The following CUL3 variants were observed in gnomAD, a reference collection of about 807,000 sequenced individuals.
The protein encoded by CUL3 is cullin 3.
A neutral mutation model predicts 89.1 loss-of-function variants in CUL3; 19 were observed. The ratio of observed to expected loss-of-function variants is 0.21; its 90% confidence interval spans 0.15 to 0.31. CUL3 has a LOEUF of 0.31. Ranked by LOEUF, CUL3 falls within the 10% of genes least tolerant of loss-of-function variation. The pLI is 1.00. For missense variants in CUL3, 469 were observed against 942.3 expected, an observed-to-expected ratio of 0.50 and a Z score of 6.58; for synonymous variants, 351 against 308.4, an observed-to-expected ratio of 1.14 and a Z score of -1.45.
intron 2 of CUL3, among the ~76,000 whole-genome samples, chr2:224,538,761 A>G (rs1693983333): frequency 6.6e-6 from 1 of 152,252 alleles, no homozygotes; most frequent in African/African-American, 2.4e-5. Context: ...AAGTGCAAGT[A>G]ATGGAGAACT....
At chr2:224,565,397 G>A (rs1690610) in intron 1 of CUL3, among the ~76,000 whole-genome samples, 1 of 152,308 alleles carries the variant, frequency 6.6e-6, no homozygotes, top group Admixed American at 6.5e-5. Flanking sequence ...ACAGGCACAA[G>A]AGATGGAGGA....
chr2:224,515,048 T>G (rs934950456), intron 3 of CUL3, among the ~76,000 whole-genome samples: 1 of 150,660 alleles, frequency 6.6e-6, no homozygotes, highest in Non-Finnish European at 1.5e-5. Flanking sequence ...AAAAACAGAG[T>G]AAAAAAAGGT....
chr2:224,537,871 A>G (rs1219315805), intron 2 of CUL3, among the ~76,000 whole-genome samples: 1 of 152,212 alleles, frequency 6.6e-6, no homozygotes, highest in African/African-American at 2.4e-5. Context: ...TGAATAAAAA[A>G]TTGACCAATT....
At chr2:224,569,595 A>G (rs1559236941) in intron 1 of CUL3, 1 of 612,376 alleles carries the variant, frequency 1.6e-6, no homozygotes. Flanking sequence ...TCTTTAAAGC[A>G]AAATCTTTTC....
Position 224,501,905 on chromosome 2 carries a change from C to A in CUL3, c.1485+1060G>T, listed in dbSNP as rs1034004514. On this transcript the variant is annotated intron_variant, in intron 10 of 15. Transcript: ENST00000264414. ...ACTTACTAGAGCAAACAAAAAAATA[C>A]AAGAAAATATATCAATATATTAGAT... is the stretch of plus-strand genomic sequence containing the variant. Among the ~76,000 whole-genome samples the A allele has an allele frequency of 2.0e-5, 3 of 152,062 alleles. No homozygotes were observed. In the East Asian group the frequency reaches 5.8e-4, roughly 29 times the overall value.
At chr2:224,583,238 G>A (rs575814834) in intron 1 of CUL3, among the ~76,000 whole-genome samples, 1 of 152,290 alleles carries the variant, frequency 6.6e-6, no homozygotes, top group South Asian at 2.1e-4. Flanking sequence ...TTAGCCCGGT[G>A]TGGTGGCGCA....
chr2:224,516,775 T>C (rs1025176631), intron 3 of CUL3, among the ~76,000 whole-genome samples: 8 of 151,874 alleles, frequency 5.3e-5, no homozygotes, highest in African/African-American at 1.9e-4. Context: ...GCCGCCCAAG[T>C]AGCTGGGATT....
intron 2 of CUL3, among the ~76,000 whole-genome samples, chr2:224,543,901 C>G (rs563656641): frequency 6.6e-6 from 1 of 152,162 alleles, no homozygotes; most frequent in East Asian, 1.9e-4. Flanking sequence ...GGGAGGATCA[C>G]TTAAGCCCAG....
At chr2:224,532,563 T>C (rs897286496) in intron 3 of CUL3, among the ~76,000 whole-genome samples, 1 of 151,796 alleles carries the variant, frequency 6.6e-6, no homozygotes, top group East Asian at 1.9e-4. Flanking sequence ...AACATAATAG[T>C]TGAGGTAGAA....
chr2:224,488,636 A>T (rs1691833600), intron 13 of CUL3, among the ~76,000 whole-genome samples: 1 of 152,146 alleles, frequency 6.6e-6, no homozygotes, highest in South Asian at 2.1e-4. Flanking sequence ...TACCAACCCA[A>T]AAAAGCCCAG....
In CUL3 at chr2:224,484,463, G is replaced by GATTT. The variant is rs546792090; in HGVS notation, c.1843-2389_1843-2386dup. ...ATACTCAATTGTTTGCCTTCATACT[G>GATTT]ATTTACTGATGCTCTTTATAGATTA... On this transcript the variant is annotated intron_variant, in intron 13 of 15. Coordinates refer to ENST00000264414, the MANE Select transcript of CUL3 (RefSeq NM_003590.5). 2.8e-3 allele frequency among the ~76,000 whole-genome samples: 425 copies of GATTT among 151,956 alleles called. 5 individuals are homozygous for GATTT. Among genetic ancestry groups the GATTT allele is most frequent in the Non-Finnish European group, 1.2e-3 (79 of 67,976 alleles).
intron 2 of CUL3, among the ~76,000 whole-genome samples, chr2:224,556,633 CA>C (rs1329406904): frequency 5.3e-5 from 8 of 152,042 alleles, no homozygotes; most frequent in African/African-American, 1.9e-4. Flanking sequence ...CTAAACAGGA[CA>C]ATTGGTGAAA....
intron 3 of CUL3, among the ~76,000 whole-genome samples, chr2:224,518,170 T>C (rs1490465266): frequency 6.6e-6 from 1 of 152,220 alleles, no homozygotes; most frequent in Non-Finnish European, 1.5e-5. Context: ...TGTTCACTTC[T>C]GCTTTCAGTC....
chr2:224,471,999 G>C lies in CUL3; in HGVS notation c.*2246C>G. On this transcript the variant is annotated 3_prime_UTR_variant, in exon 16 of 16. Coordinates refer to ENST00000264414, the MANE Select transcript of CUL3 (RefSeq NM_003590.5). ...TCTGTGACCTCTTGCTAAAAAGAAA[G>C]CAATGTTAAATGTATTTTGTTATAA... is the stretch of plus-strand genomic sequence containing the variant. The C allele has an allele frequency of 8.7e-6, 2 of 230,916 alleles. No individual in the cohort carries two copies. The highest frequency in any genetic ancestry group is 1.7e-5 in the Non-Finnish European group (2 of 116,624). 14.3% of individuals were successfully genotyped at this position (230,916 alleles called of 1,614,324 possible). A position where few individuals can be genotyped will look rare whatever the true frequency, so the allele number is the denominator to read the frequency against.
At chr2:224,546,581 A>G (rs1169062404) in intron 2 of CUL3, among the ~76,000 whole-genome samples, 3 of 152,108 alleles carry the variant, frequency 2.0e-5, no homozygotes, top group South Asian at 2.1e-4. Context: ...TGCAAAGAGG[A>G]GACACAAAGA....
At chr2:224,580,042 G>C (rs1251541107) in intron 1 of CUL3, among the ~76,000 whole-genome samples, 1 of 152,220 alleles carries the variant, frequency 6.6e-6, no homozygotes, top group Non-Finnish European at 1.5e-5. Context: ...GAGTAAGGAA[G>C]AGACTCCCTG....
chr2:224,473,917 A>C lies in CUL3; in HGVS notation c.*328T>G. 8.5e-6 allele frequency: 2 copies of C among 234,168 alleles called. No homozygotes were observed. The highest frequency in any genetic ancestry group is 8.4e-6 in the Non-Finnish European group (1 of 118,760). The allele number at this position is 234,168 out of a possible 1,614,324, so 14.5% of individuals were successfully genotyped here. Reference sequence around the variant, plus strand: ...CTGAAGACCTGGGGAAATGAAATCCAACAATTTTATTGTAATGAGCTGTAT... The same window carrying C: ...CTGAAGACCTGGGGAAATGAAATCCCACAATTTTATTGTAATGAGCTGTAT... On this transcript the variant is annotated 3_prime_UTR_variant, in exon 16 of 16. Transcript: ENST00000264414.
chr2:224,583,672 G>C (rs1388485305), intron 1 of CUL3, among the ~76,000 whole-genome samples: 1 of 152,192 alleles, frequency 6.6e-6, no homozygotes, highest in Non-Finnish European at 1.5e-5. Context: ...ACTGACTTTA[G>C]TATTTATGTT....
intron 1 of CUL3, among the ~76,000 whole-genome samples, chr2:224,579,269 CTG>C (rs1695381778): frequency 6.6e-6 from 1 of 152,102 alleles, no homozygotes; most frequent in Admixed American, 6.5e-5. Context: ...TTTAATGAAT[CTG>C]TTTCACTTTG....
Sources: gnomAD v4.1 joint callset for allele counts (sites outside exome capture counted in the v4.1 genomes callset) on GRCh38, gnomAD v4.1.1 for gene constraint, MANE v1.5 for transcripts, NCBI Gene and HGNC (gene_info 2026-07-23, HGNC 2026-07-21) for gene names.